The following TBC1D1 variants were observed in gnomAD, a reference collection of about 807,000 sequenced individuals.
TBC1D1 encodes TBC1 domain family member 1, also known as TBC1 (tre-2/USP6, BUB2, cdc16) domain family, member 1.
A neutral mutation model predicts 125.6 loss-of-function variants in TBC1D1; 89 were observed. That is an observed-to-expected ratio of 0.71 (90% CI 0.60 to 0.85). The LOEUF (loss-of-function observed/expected upper bound fraction) is 0.85. Among genes scored for constraint, TBC1D1 ranks in the 40% least tolerant of loss-of-function variants. TBC1D1 has a pLI of 0.00. For missense variants in TBC1D1, 1,377 were observed against 1,469.2 expected (o/e 0.94, Z 1.03); for synonymous variants, 565 against 564.1 (o/e 1.00, Z -0.02).
intron 1 of TBC1D1, among the ~76,000 whole-genome samples, chr4:37,895,841 C>A (rs1232242511): frequency 6.6e-6 from 1 of 152,320 alleles, no homozygotes; most frequent in South Asian, 2.1e-4. Flanking sequence ...TTCAGGAGCT[C>A]CATGCAATGG....
At chr4:38,110,133 C>T in intron 15 of TBC1D1, 1 of 908,954 alleles carries the variant, frequency 1.1e-6, no homozygotes, top group Non-Finnish European at 1.3e-6. Context: ...GCAGCTGCCA[C>T]ATGGTAAACA....
At chr4:38,018,219 A>G in intron 3 of TBC1D1, 135 bp from the exon 4 acceptor site, 1 of 680,122 alleles carries the variant, frequency 1.5e-6, no homozygotes. Flanking sequence ...CCAGAGGATA[A>G]GAGGGGACCT....
intron 2 of TBC1D1, among the ~76,000 whole-genome samples, chr4:38,013,209 A>G (rs1043532817): frequency 2.0e-5 from 3 of 151,534 alleles, no homozygotes; most frequent in Non-Finnish European, 4.4e-5. Flanking sequence ...AAGAATAGTC[A>G]TAATCTTTAT....
At chr4:38,098,778 AC>A (rs1472498890) in intron 14 of TBC1D1, among the ~76,000 whole-genome samples, 14 of 152,232 alleles carry the variant, frequency 9.2e-5, no homozygotes, top group Admixed American at 4.6e-4. Flanking sequence ...GTAGAGGCCA[AC>A]TCACCTCAGA....
chr4:37,952,867 G>A (rs1011229280), intron 2 of TBC1D1: 3 of 152,186 alleles, frequency 2.0e-5, no homozygotes, highest in Admixed American at 6.5e-5. Flanking sequence ...TGGCCCTGTC[G>A]TTTGCACAGA....
chr4:37,982,020 T>G (rs1734425896), intron 2 of TBC1D1, among the ~76,000 whole-genome samples: 1 of 152,206 alleles, frequency 6.6e-6, no homozygotes, highest in African/African-American at 2.4e-5. Context: ...AATAACCGAG[T>G]AACTAATTGC....
rs1351957866 is a variant in TBC1D1, at chr4:37,977,671, C to T, written c.418-36838C>T. The stretch of plus-strand genomic sequence containing the variant: ...GGGCGAGCGGCGGGCGCGACCAGGT[C>T]GTTAGCCGCGCGTTTCTCATTCATT... On this transcript the variant is annotated intron_variant, in intron 2 of 19. Transcript: ENST00000261439. The surrounding 1 kb of genome is among the most constrained non-coding windows in gnomAD (Gnocchi z 4.3). The T allele has an allele frequency of 3.7e-5, 6 of 161,880 alleles. No individual in the cohort carries two copies. Among genetic ancestry groups the T allele is most frequent in the Non-Finnish European group, 6.6e-5 (5 of 75,716 alleles). The allele number at this position is 161,880 out of a possible 1,614,324, so 10.0% of individuals were successfully genotyped here.
chr4:38,103,913 A>G (rs545662380), intron 15 of TBC1D1, among the ~76,000 whole-genome samples: 24 of 152,040 alleles, frequency 1.6e-4, no homozygotes, highest in African/African-American at 5.1e-4. Context: ...TAATCTCAGC[A>G]CTTTGGGAGG....
At chr4:38,035,550 ATT>A (rs1747043491) in intron 7 of TBC1D1, 36 bp from the exon 8 acceptor site, 2 of 1,548,224 alleles carry the variant, frequency 1.3e-6, no homozygotes, top group African/African-American at 1.4e-5. Flanking sequence ...ATTGTTGACG[ATT>A]AAAAATAAAT....
At chr4:37,894,416 A>T (rs1270578471) in intron 1 of TBC1D1, among the ~76,000 whole-genome samples, 2 of 152,182 alleles carry the variant, frequency 1.3e-5, no homozygotes, top group Non-Finnish European at 1.5e-5. Context: ...AAAACTCTTG[A>T]TATGTAGGTT....
chr4:37,941,393 A>T (rs1577963568), intron 2 of TBC1D1, among the ~76,000 whole-genome samples: 1 of 151,720 alleles, frequency 6.6e-6, no homozygotes, highest in East Asian at 1.9e-4. Context: ...TTTTTATTGC[A>T]TCTATTTGAT....
chr4:38,087,884 CCAGGTCAACCCCACCTAACCCT>C lies in TBC1D1; in HGVS notation c.2051-2044_2051-2023del, dbSNP rs953960117. 4.2e-5 allele frequency among the ~76,000 whole-genome samples: 6 copies of C among 143,626 alleles called. No individual in the cohort carries two copies. The South Asian group carries it at 6.8e-4, about 16-fold the overall frequency. 94.2% of individuals were successfully genotyped at this position (143,626 alleles called of 152,430 possible). ...AAAAGAAAAAAAAAAAAAAGAATAT[CCAGGTCAACCCCACCTAACCCT>C]CAGCGGGGCTCCCTTCTGTTGCCTG... On this transcript the variant is annotated intron_variant, in intron 12 of 19. Coordinates refer to ENST00000261439, the MANE Select transcript of TBC1D1 (RefSeq NM_015173.4).
chr4:37,987,206 A>G (rs1470395442), intron 2 of TBC1D1, among the ~76,000 whole-genome samples: 1 of 152,314 alleles, frequency 6.6e-6, no homozygotes, highest in Non-Finnish European at 1.5e-5. Context: ...AGAACTTTAT[A>G]TGTGCCAGCC....
At chr4:38,038,722 C>G (rs556455961) in intron 8 of TBC1D1, among the ~76,000 whole-genome samples, 10 of 152,112 alleles carry the variant, frequency 6.6e-5, no homozygotes, top group African/African-American at 2.4e-4. Context: ...CTGAGGTGGG[C>G]GGATCATGAG....
intron 13 of TBC1D1, among the ~76,000 whole-genome samples, chr4:38,095,358 C>G (rs1191479897): frequency 6.6e-6 from 1 of 152,134 alleles, no homozygotes; most frequent in African/African-American, 2.4e-5. Flanking sequence ...CTTCATGCAG[C>G]TTTAGGTTGA....
intron 1 of TBC1D1, among the ~76,000 whole-genome samples, chr4:37,901,684 AAAC>A (rs1371906779): frequency 9.9e-4 from 151 of 152,250 alleles, no homozygotes; most frequent in South Asian, 1.5e-3. Flanking sequence ...CAGTTGTTTA[AAAC>A]TGAGGTTTAA....
intron 1 of TBC1D1, among the ~76,000 whole-genome samples, chr4:37,899,149 A>T (rs1715288562): frequency 6.6e-6 from 1 of 152,090 alleles, no homozygotes; most frequent in Admixed American, 6.6e-5. Context: ...TAGGACGAAA[A>T]AGAAAGAGTA....
intron 12 of TBC1D1, among the ~76,000 whole-genome samples, chr4:38,062,070 A>C (rs1407506906): frequency 1.3e-5 from 2 of 152,206 alleles, no homozygotes; most frequent in Middle Eastern, 3.4e-3. Context: ...CCTCACTGTC[A>C]GTGAGTGTGG....
At position 38,035,719 on chromosome 4, in the gene TBC1D1, G is replaced by GTAAT. The variant is rs535031790; in HGVS notation, c.1413+23_1413+26dup. ...AGCAGGTATGGCATTTTTGTCTCTT[G>GTAAT]TAATTGTTGCCAAGTCTCTGCCAAG... On this transcript the variant is annotated intron_variant, in intron 8 of 19. Transcript: ENST00000261439. 1.2e-4 allele frequency: 190 copies of GTAAT among 1,566,078 alleles called. No homozygotes were observed. The East Asian group carries it at 3.9e-3, about 32-fold the overall frequency.
Sources: gnomAD v4.1 joint callset for allele counts (sites outside exome capture counted in the v4.1 genomes callset) on GRCh38, gnomAD v4.1.1 for gene constraint, Gnocchi (gnomAD v3.1) non-coding constraint, MANE v1.5 for transcripts, NCBI Gene and HGNC (gene_info 2026-07-23, HGNC 2026-07-21) for gene names.